Variants in PIGB observed in about 807,000 individuals in gnomAD.
The protein encoded by PIGB is phosphatidylinositol glycan anchor biosynthesis class B.
A neutral mutation model predicts 68.4 loss-of-function variants in PIGB; 58 were observed. The ratio of observed to expected loss-of-function variants is 0.85; its 90% CI spans 0.69 to 1.06. The LOEUF is 1.06. Among genes scored for constraint, PIGB ranks in the 50% least tolerant of loss-of-function variants. PIGB has a pLI of 0.00. For synonymous variants in PIGB, 219 were observed against 220.5 expected (o/e 0.99, Z 0.06); for missense variants, 634 against 655.8 (o/e 0.97, Z 0.36).
intron 9 of PIGB, chr15:55,346,207 A>G (rs1595798648): frequency 6.6e-6 from 1 of 152,230 alleles, no homozygotes. Flanking sequence ...TGATTAAGAG[A>G]TATGGCTTTA....
intron 5 of PIGB, 24 bp downstream of exon 5, chr15:55,329,878 T>G (rs1260157576): frequency 2.0e-6 from 3 of 1,503,268 alleles, no homozygotes; most frequent in Non-Finnish European, 2.7e-6. Context: ...TTGTTAATAA[T>G]TATGTTCAAA....
intron 3 of PIGB, among the ~76,000 whole-genome samples, chr15:55,326,931 G>C (rs973563355): frequency 1.3e-5 from 2 of 151,984 alleles, no homozygotes; most frequent in South Asian, 4.1e-4. Flanking sequence ...GCTCACGCTT[G>C]TAATCCCAAC....
intron 2 of PIGB, 102 bp downstream of exon 2, chr15:55,320,512 T>C (rs1595764333): frequency 1.9e-6 from 2 of 1,062,726 alleles, no homozygotes; most frequent in Non-Finnish European, 2.7e-6. Flanking sequence ...TCGTCTTCAG[T>C]AGATAGTTTC....
chr15:55,343,837 C>G (rs1318961092), intron 9 of PIGB, among the ~76,000 whole-genome samples: 1 of 152,170 alleles, frequency 6.6e-6, no homozygotes, highest in Non-Finnish European at 1.5e-5. Flanking sequence ...GGTCAAAAAA[C>G]TCTAATTCCT....
intron 5 of PIGB, among the ~76,000 whole-genome samples, chr15:55,331,549 A>G (rs987395406): frequency 9.2e-5 from 14 of 152,090 alleles, no homozygotes; most frequent in African/African-American, 3.4e-4. Flanking sequence ...CCCCGTCTCC[A>G]CTAAAAATAC....
At chr15:55,350,571 C>CTTA in intron 9 of PIGB, 128 bp from the exon 10 acceptor site, 5 of 682,260 alleles carry the variant, frequency 7.3e-6, no homozygotes, top group South Asian at 7.1e-5. Context: ...TGACTTATTG[C>CTTA]TTATTTCTTA....
rs867991151 is a variant in PIGB at position 55,319,339 on chromosome 15, G to A, written c.89G>A (p.Gly30Asp). ...CATGGTCTCCAGAACCGCTCCCACG[G>A]CAAGATAAAGCTGCGAAAGAGAAAG... ...TLHGLQNRSHGKIKLRKRKST... is the reference protein window; with the variant it reads ...TLHGLQNRSHDKIKLRKRKST... The change falls in exon 1 of 12, where the codon GGC (glycine) becomes GAC (aspartate). Residue 30 changes from glycine to aspartate, a missense_variant. Gly to Asp is a moderately conservative substitution (Grantham distance 94). Transcript: ENST00000164305. The A allele has an allele frequency of 2.5e-6, 4 of 1,578,154 alleles. No homozygotes were observed. In the South Asian group the frequency reaches 4.7e-5, roughly 18 times the overall value.
In PIGB at chr15:55,333,970, A is replaced by G. The variant is rs772449483; in HGVS notation, c.757A>G (p.Lys253Glu). Residue 253 changes from lysine to glutamate, a missense_variant, in exon 6 of 12, where the codon AAG (lysine) becomes GAG (glutamate). Lys to Glu is a moderately conservative substitution (Grantham distance 56). Coordinates refer to ENST00000164305, the MANE Select transcript of PIGB (RefSeq NM_004855.5). ...LFRHFCQEPR[K>E]LDLILHHFLP... ...CAGACATTTCTGTCAAGAACCAAGAAAGCTTGATCTTATTCTACATCATTT... is the reference window on the plus strand; with the variant it reads ...CAGACATTTCTGTCAAGAACCAAGAGAGCTTGATCTTATTCTACATCATTT... The G allele has an allele frequency of 6.2e-7, 1 of 1,606,752 alleles. No homozygotes were observed. Among genetic ancestry groups the G allele is most frequent in the Non-Finnish European group, 8.5e-7 (1 of 1,176,862 alleles).
At chr15:55,338,216 G>A (rs970333238) in intron 6 of PIGB, among the ~76,000 whole-genome samples, 3 of 152,206 alleles carry the variant, frequency 2.0e-5, no homozygotes, top group East Asian at 1.9e-4. Flanking sequence ...ATGGCCTCCA[G>A]TGATCCCATC....
At chr15:55,338,343 G>GGGTT (rs1258584624) in intron 6 of PIGB, among the ~76,000 whole-genome samples, 2 of 152,146 alleles carry the variant, frequency 1.3e-5, no homozygotes, top group Non-Finnish European at 2.9e-5. Flanking sequence ...TTACAAGACT[G>GGGTT]GGTTATGAAA....
chr15:55,349,723 G>A (rs939944079), intron 9 of PIGB: 2 of 152,068 alleles, frequency 1.3e-5, no homozygotes, highest in Non-Finnish European at 2.9e-5. Context: ...CACTGCCTTG[G>A]TCCCATTCAG....
intron 10 of PIGB, among the ~76,000 whole-genome samples, chr15:55,353,043 A>G (rs2055958025): frequency 6.6e-6 from 1 of 152,190 alleles, no homozygotes; most frequent in African/African-American, 2.4e-5. Context: ...GTGGCTGAAA[A>G]AGGGACATTC....
chr15:55,329,509 C>G (rs930961421), intron 4 of PIGB, among the ~76,000 whole-genome samples: 3 of 152,168 alleles, frequency 2.0e-5, no homozygotes, highest in Admixed American at 6.6e-5. Flanking sequence ...GTATAAACTT[C>G]TTAACATGAA....
In PIGB at chr15:55,350,700, A is replaced by G; in HGVS notation, c.1125A>G (p.Gly375=). The G allele has an allele frequency of 1.3e-6, 2 of 1,599,978 alleles. No homozygotes were observed. The highest frequency in any genetic ancestry group is 1.7e-6 in the Non-Finnish European group (2 of 1,167,672). Residue 375 remains glycine, a splice_region_variant and synonymous_variant, in exon 10 of 12, where the codon GGA becomes GGG. Coordinates refer to ENST00000164305, the MANE Select transcript of PIGB (RefSeq NM_004855.5). ...TTCAATATGTCTATCTTCATATAGG[A>G]TACTCATTAACCCACCTGAAAACAT... The part of the protein sequence containing the change: ...PVLPFCMVFC[G]YSLTHLKTWK...
rs1461797133 is a variant in PIGB at position 55,321,396 on chromosome 15, T to C, written c.417+6T>C. 3 of 1,576,986 alleles carry C rather than the reference T, an allele frequency of 1.9e-6. No individual in the cohort carries two copies. The African/African-American group carries it at 4.1e-5, about 21-fold the overall frequency. ...AAGATAGTGTTCAGTTGCTGGTAAGTTTAAATAAAAGTAACTAAATGATAT... is the reference window on the plus strand; with the variant it reads ...AAGATAGTGTTCAGTTGCTGGTAAGCTTAAATAAAAGTAACTAAATGATAT... On this transcript the variant is annotated splice_donor_region_variant and intron_variant, in intron 3 of 11. Coordinates refer to ENST00000164305, the MANE Select transcript of PIGB (RefSeq NM_004855.5).
At chr15:55,324,574 T>C (rs1158879434) in intron 3 of PIGB, among the ~76,000 whole-genome samples, 2 of 152,222 alleles carry the variant, frequency 1.3e-5, no homozygotes, top group Non-Finnish European at 2.9e-5. Context: ...CTAGACACTT[T>C]GTAATTTATT....
At chr15:55,351,890 A>AAAAC (rs2055932421) in intron 10 of PIGB, 1 of 150,660 alleles carries the variant, frequency 6.6e-6, no homozygotes, top group South Asian at 2.1e-4. Context: ...AAAAAAAAAA[A>AAAAC]AAACATGGAT....
intron 3 of PIGB, among the ~76,000 whole-genome samples, chr15:55,322,943 T>G (rs1404007069): frequency 6.6e-6 from 1 of 152,162 alleles, no homozygotes; most frequent in Non-Finnish European, 1.5e-5. Context: ...TAGGTCAGAT[T>G]ACAAATGAAG....
At chr15:55,346,907 T>C (rs1373621966) in intron 9 of PIGB, among the ~76,000 whole-genome samples, 1 of 152,196 alleles carries the variant, frequency 6.6e-6, no homozygotes, top group Non-Finnish European at 1.5e-5. Context: ...CTGGAAAATC[T>C]TTCCAACCCT....
Sources: allele counts gnomAD v4.1 joint callset (sites outside exome capture counted in the v4.1 genomes callset), GRCh38; gene constraint gnomAD v4.1.1; transcripts MANE v1.5; gene names NCBI Gene and HGNC (gene_info 2026-07-23, HGNC 2026-07-21).